AKR1B1: variants seen among roughly 807,000 people sequenced by gnomAD.
The protein encoded by AKR1B1 is aldo-keto reductase family 1 member B, also known as aldo-keto reductase family 1 member B1.
Under a neutral mutation model 40.4 loss-of-function variants are expected in AKR1B1, and 22 were observed. The ratio of observed to expected loss-of-function variants is 0.54; its 90% confidence interval spans 0.39 to 0.78. The LOEUF (loss-of-function observed/expected upper bound fraction) is 0.78. Ranked by LOEUF, AKR1B1 falls within the 30% of genes least tolerant of loss-of-function variation. The pLI is 0.00. For synonymous variants in AKR1B1, 157 were observed against 149.9 expected (o/e 1.05, Z -0.35); for missense variants, 357 against 396.7 (o/e 0.90, Z 0.85).
upstream of AKR1B1, chr7:134,459,130 A>T: frequency 6.5e-7 from 1 of 1,542,112 alleles, no homozygotes; most frequent in Non-Finnish European, 8.8e-7. Context: ...ACCTTTAAAT[A>T]GCCCGTGAGG....
intron 8 of AKR1B1, among the ~76,000 whole-genome samples, chr7:134,447,039 C>T (rs1389585712): frequency 1.3e-5 from 2 of 152,200 alleles, no homozygotes; most frequent in Middle Eastern, 3.2e-3. Context: ...GGTAACCTCT[C>T]GGTGTGGCTG....
upstream of AKR1B1, chr7:134,459,110 C>G (rs1176569201): frequency 6.4e-7 from 1 of 1,571,958 alleles, no homozygotes; most frequent in African/African-American, 1.4e-5. Flanking sequence ...CGGCCTTGGC[C>G]GCGGCGCGTA....
chr7:134,456,043 T>C (rs1384372206), intron 1 of AKR1B1, among the ~76,000 whole-genome samples: 1 of 152,006 alleles, frequency 6.6e-6, no homozygotes, highest in African/African-American at 2.4e-5. Context: ...GTCTGAAAGG[T>C]ACAACACAGC....
chr7:134,451,270 C>T lies in AKR1B1; in HGVS notation c.234+316G>A. Reference sequence around the variant, plus strand: ...CTCAGGTCAAAGACAGTGGCTAGCACTGGAGATTCAGTTTGCAGATGGGAA... The same window carrying T: ...CTCAGGTCAAAGACAGTGGCTAGCATTGGAGATTCAGTTTGCAGATGGGAA... On this transcript the variant is annotated intron_variant, in intron 2 of 9. Coordinates refer to ENST00000285930, the MANE Select transcript of AKR1B1 (RefSeq NM_001628.4). 5 of 531,522 alleles carry T rather than the reference C, an allele frequency of 9.4e-6. 1 individual carries two copies. The South Asian group carries it at 1.0e-4, about 11-fold the overall frequency. 32.9% of individuals were successfully genotyped at this position (531,522 alleles called of 1,614,324 possible). A position where few individuals can be genotyped will look rare whatever the true frequency, so the allele number is the denominator to read the frequency against.
chr7:134,446,729 C>T (rs1318684465), intron 8 of AKR1B1, among the ~76,000 whole-genome samples: 1 of 152,196 alleles, frequency 6.6e-6, no homozygotes, highest in Non-Finnish European at 1.5e-5. Flanking sequence ...CATCATCACA[C>T]GAACTCCTTG....
At chr7:134,452,356 A>T (rs1012995450) in intron 1 of AKR1B1, among the ~76,000 whole-genome samples, 2 of 152,226 alleles carry the variant, frequency 1.3e-5, no homozygotes, top group African/African-American at 4.8e-5. Context: ...ATCTGCTTCA[A>T]GGGGTGGAGA....
At chr7:134,451,122 T>C (rs900835276) in intron 2 of AKR1B1, among the ~76,000 whole-genome samples, 5 of 152,100 alleles carry the variant, frequency 3.3e-5, no homozygotes, top group Admixed American at 6.5e-5. Context: ...GGACACAAAA[T>C]GGAATGGACA....
intron 1 of AKR1B1, among the ~76,000 whole-genome samples, chr7:134,454,031 G>A (rs956937205): frequency 6.6e-6 from 1 of 152,112 alleles, no homozygotes; most frequent in Admixed American, 6.5e-5. Flanking sequence ...CTAAAAAGAA[G>A]GTAAACTATG....
chr7:134,456,346 C>T (rs189738940), intron 1 of AKR1B1, among the ~76,000 whole-genome samples: 27 of 152,024 alleles, frequency 1.8e-4, no homozygotes, highest in South Asian at 4.2e-4. Context: ...ACTACAGGTG[C>T]GTGCCACGAT....
In AKR1B1 at chr7:134,445,292, T is replaced by C. The variant is rs1806060092; in HGVS notation, c.854A>G (p.Asp285Gly). 1 of 1,613,088 alleles carries C rather than the reference T, an allele frequency of 6.2e-7. No individual in the cohort carries two copies. The highest frequency in any genetic ancestry group is 8.5e-7 in the Non-Finnish European group (1 of 1,179,826). ...GTTGTAGCTGAGTAAGGTGGTCATA[T>C]CCTGGCTGCTCAGTTCAAAGTCAAA... ...KVFDFELSSQDMTTLLSYNRN... is the reference protein window; with the variant it reads ...KVFDFELSSQGMTTLLSYNRN... The change falls in exon 9 of 10, where the codon GAT becomes GGT. Residue 285 changes from aspartate (D) to glycine (G), a missense_variant. Transcript: ENST00000285930.
At chr7:134,451,396 G>C in intron 2 of AKR1B1, 190 bp downstream of exon 2, 1 of 705,066 alleles carries the variant, frequency 1.4e-6, no homozygotes, top group Non-Finnish European at 2.5e-6. Context: ...CAGATGGAAT[G>C]ACCATTCAAC....
At chr7:134,451,229 CT>C (rs1225675119) in intron 2 of AKR1B1, 2 of 528,216 alleles carry the variant, frequency 3.8e-6, no homozygotes, top group African/African-American at 3.8e-5. Context: ...GCCTCATGTC[CT>C]TTGTGCATCA....
At chr7:134,455,449 C>A (rs1212462395) in intron 1 of AKR1B1, among the ~76,000 whole-genome samples, 1 of 152,164 alleles carries the variant, frequency 6.6e-6, no homozygotes, top group African/African-American at 2.4e-5. Context: ...AGGAGACTTA[C>A]AATGACTTTT....
chr7:134,456,018 AG>A (rs965773026), intron 1 of AKR1B1, among the ~76,000 whole-genome samples: 3 of 152,214 alleles, frequency 2.0e-5, no homozygotes, highest in Non-Finnish European at 4.4e-5. Context: ...AGAGACTACC[AG>A]AGCCCTGCTG....
chr7:134,447,500 A>C (rs1806141150), intron 7 of AKR1B1, 119 bp from the exon 8 acceptor site: 6 of 873,738 alleles, frequency 6.9e-6, no homozygotes, highest in Non-Finnish European at 1.1e-5. Flanking sequence ...GTGATCAGAG[A>C]GGGGCTCCAA....
intron 1 of AKR1B1, among the ~76,000 whole-genome samples, chr7:134,456,957 G>C (rs1364186562): frequency 1.3e-5 from 2 of 152,064 alleles, no homozygotes; most frequent in African/African-American, 2.4e-5. Context: ...ACAACATAGG[G>C]AAACCTGTCT....
intron 3 of AKR1B1, among the ~76,000 whole-genome samples, chr7:134,450,257 A>G (rs375369400): frequency 1.6e-4 from 25 of 152,394 alleles, no homozygotes; most frequent in African/African-American, 6.0e-4. Context: ...CCTGGCTCAC[A>G]GCAGAAAACT....
intron 4 of AKR1B1, 104 bp downstream of exon 4, chr7:134,449,616 G>C (rs1178666280): frequency 2.0e-6 from 2 of 980,442 alleles, no homozygotes. Flanking sequence ...GCAAACAACA[G>C]GGACAGAATA....
At chr7:134,447,575 C>T (rs1585709855) in intron 7 of AKR1B1, 194 bp from the exon 8 acceptor site, 1 of 664,758 alleles carries the variant, frequency 1.5e-6, no homozygotes, top group East Asian at 2.7e-5. Context: ...CTCCAGAGTC[C>T]TGCGCTAGCC....
Sources: allele counts gnomAD v4.1 joint callset (sites outside exome capture counted in the v4.1 genomes callset), GRCh38; gene constraint gnomAD v4.1.1; transcripts MANE v1.5; gene names NCBI Gene and HGNC (gene_info 2026-07-23, HGNC 2026-07-21).